The following DACH1 variants were observed in gnomAD, a reference collection of about 807,000 sequenced individuals.
The protein encoded by DACH1 is dachshund homolog 1.
DACH1 carries 12 observed loss-of-function variants against 54.2 expected under a neutral mutation model. The ratio of observed to expected loss-of-function variants is 0.22; its 90% CI spans 0.14 to 0.36. The LOEUF (loss-of-function observed/expected upper bound fraction) is 0.36, where lower values mean the gene tolerates loss of function less well. Among genes scored for constraint, DACH1 ranks in the 10% least tolerant of loss-of-function variants. The pLI is 1.00. For synonymous variants in DACH1, 386 were observed against 366.2 expected (o/e 1.05, Z -0.62); for missense variants, 805 against 929.8 (o/e 0.87, Z 1.75).
chr13:71,728,173 G>T (rs140931418), intron 1 of DACH1, among the ~76,000 whole-genome samples: 1 of 152,114 alleles, frequency 6.6e-6, no homozygotes, highest in East Asian at 1.9e-4. Context: ...AGTTTTCTAT[G>T]AAGTGCATAT....
At chr13:71,452,116 G>A (rs1218777009) in intron 10 of DACH1, among the ~76,000 whole-genome samples, 1 of 148,112 alleles carries the variant, frequency 6.8e-6, no homozygotes, top group Non-Finnish European at 1.5e-5. Flanking sequence ...TTGTTTTGTT[G>A]TTTTTTTGTA....
At chr13:71,445,359 C>A (rs796366161) in intron 10 of DACH1, among the ~76,000 whole-genome samples, 26 of 151,998 alleles carry the variant, frequency 1.7e-4, no homozygotes, top group African/African-American at 6.0e-4. Flanking sequence ...ATATAAAACA[C>A]GTTTATAAAA....
rs1384304670 is a variant in DACH1 at position 71,866,236 on chromosome 13, T to G, written c.534A>C (p.Pro178=). ...PGKPVYSTPS[P]VENTPQNNEC... ...CATTATTCTGAGGGGTGTTTTCCACTGGGGACGGGGTTGAGTACACGGGTT... is the reference window on the plus strand; with the variant it reads ...CATTATTCTGAGGGGTGTTTTCCACGGGGGACGGGGTTGAGTACACGGGTT... Residue 178 remains proline (P), a synonymous_variant, in exon 1 of 11, where the codon CCA becomes CCC. Transcript: ENST00000613252. The G allele has an allele frequency of 6.2e-7, 1 of 1,611,900 alleles. No individual in the cohort carries two copies. The highest frequency in any genetic ancestry group is 8.5e-7 in the Non-Finnish European group (1 of 1,179,036).
At chr13:71,751,771 A>G (rs924543027) in intron 1 of DACH1, among the ~76,000 whole-genome samples, 2 of 152,208 alleles carry the variant, frequency 1.3e-5, no homozygotes, top group Non-Finnish European at 2.9e-5. Flanking sequence ...TTAAAATAAT[A>G]TGCTTCATCT....
chr13:71,450,735 G>A (rs1279321665), intron 10 of DACH1, among the ~76,000 whole-genome samples: 3 of 152,074 alleles, frequency 2.0e-5, no homozygotes, highest in African/African-American at 4.8e-5. Flanking sequence ...TCTAGTGGAC[G>A]CACAAATAAC....
chr13:71,666,050 A>G (rs1879813265), intron 2 of DACH1, among the ~76,000 whole-genome samples: 1 of 152,116 alleles, frequency 6.6e-6, no homozygotes, highest in Non-Finnish European at 1.5e-5. Flanking sequence ...GTTTTAACCA[A>G]TTTATTATAC....
chr13:71,570,937 T>C (rs961758528), intron 4 of DACH1, among the ~76,000 whole-genome samples: 1 of 152,172 alleles, frequency 6.6e-6, no homozygotes, highest in Non-Finnish European at 1.5e-5. Context: ...AAAATATGTG[T>C]ATATTGCAAA....
intron 2 of DACH1, among the ~76,000 whole-genome samples, chr13:71,651,272 T>C (rs559238215): frequency 6.6e-6 from 1 of 151,412 alleles, no homozygotes; most frequent in East Asian, 2.0e-4. Flanking sequence ...GAGCCTGAGG[T>C]CAGTGGATTG....
intron 1 of DACH1, among the ~76,000 whole-genome samples, chr13:71,858,015 C>T (rs1399703656): frequency 6.6e-6 from 1 of 151,620 alleles, no homozygotes; most frequent in East Asian, 1.9e-4. Context: ...TAACAAAATA[C>T]TCCATCTGCC....
intron 2 of DACH1, among the ~76,000 whole-genome samples, chr13:71,645,019 C>A (rs1252740307): frequency 6.6e-6 from 1 of 152,082 alleles, no homozygotes; most frequent in East Asian, 1.9e-4. Context: ...ATTAAGGATA[C>A]AAACACGGTG....
At chr13:71,530,613 C>G (rs923657764) in intron 6 of DACH1, among the ~76,000 whole-genome samples, 6 of 152,072 alleles carry the variant, frequency 3.9e-5, no homozygotes, top group Admixed American at 3.3e-4. Flanking sequence ...CTTGCCTTCT[C>G]AGTTTCACAT....
At chr13:71,601,171 G>A (rs1320566974) in intron 3 of DACH1, among the ~76,000 whole-genome samples, 1 of 151,970 alleles carries the variant, frequency 6.6e-6, no homozygotes, top group Non-Finnish European at 1.5e-5. Context: ...TTCTGGAAAT[G>A]GTTTATTTAC....
chr13:71,583,859 T>A (rs1289194646), intron 3 of DACH1, among the ~76,000 whole-genome samples: 1 of 152,112 alleles, frequency 6.6e-6, no homozygotes, highest in African/African-American at 2.4e-5. Context: ...ATCATCATCA[T>A]CCAGGGGGCC....
rs71123234 is a variant in DACH1, at chr13:71,590,875, C to CTTTTTTTT, written c.1127-17871_1127-17864dup. 2.6e-3 allele frequency among the ~76,000 whole-genome samples: 222 copies of CTTTTTTTT among 85,098 alleles called. 2 individuals carry two copies. Among genetic ancestry groups the CTTTTTTTT allele is most frequent in the African/African-American group, 3.2e-3 (68 of 21,506 alleles). 55.8% of individuals were successfully genotyped at this position (85,098 alleles called of 152,430 possible). ...TCTCTCTGTCTCTGTCTCTCTCTTT[C>CTTTTTTTT]TTTTTTTTTTTTTTTTTTTTTTTGA... On this transcript the variant is annotated intron_variant, in intron 3 of 10. Coordinates refer to ENST00000613252, the MANE Select transcript of DACH1 (RefSeq NM_080759.6).
At chr13:71,736,628 G>A (rs546606114) in intron 1 of DACH1, among the ~76,000 whole-genome samples, 2 of 151,988 alleles carry the variant, frequency 1.3e-5, no homozygotes, top group African/African-American at 2.4e-5. Flanking sequence ...TTTTTTTCCC[G>A]TAAGAAAGAG....
chr13:71,851,100 T>G (rs1004866758), intron 1 of DACH1, among the ~76,000 whole-genome samples: 11 of 152,200 alleles, frequency 7.2e-5, no homozygotes, highest in Non-Finnish European at 1.6e-4. Context: ...AATTTTTCAG[T>G]GTCAGAACAT....
At chr13:71,481,458 G>A (rs1213436400) in intron 7 of DACH1, among the ~76,000 whole-genome samples, 1 of 152,182 alleles carries the variant, frequency 6.6e-6, no homozygotes, top group East Asian at 1.9e-4. Context: ...TGAAGTTGCT[G>A]AGAGCATTTA....
At chr13:71,690,933 T>C (rs1166256728) in intron 1 of DACH1, among the ~76,000 whole-genome samples, 1 of 152,054 alleles carries the variant, frequency 6.6e-6, no homozygotes, top group Non-Finnish European at 1.5e-5. Flanking sequence ...CCCCAAGTAG[T>C]ATCTAAACCA....
chr13:71,686,441 T>G (rs921932166), intron 1 of DACH1, among the ~76,000 whole-genome samples: 5 of 152,156 alleles, frequency 3.3e-5, no homozygotes, highest in African/African-American at 1.2e-4. Flanking sequence ...ACTAAATCAA[T>G]CTCATGCTAA....
Sources: gnomAD v4.1 joint callset for allele counts (sites outside exome capture counted in the v4.1 genomes callset) on GRCh38, gnomAD v4.1.1 for gene constraint, MANE v1.5 for transcripts, NCBI Gene and HGNC (gene_info 2026-07-23, HGNC 2026-07-21) for gene names.